The following HASPIN variants were observed in gnomAD, a reference collection of about 807,000 sequenced individuals.
The protein encoded by HASPIN is serine/threonine-protein kinase haspin.
HASPIN carries 24 observed loss-of-function variants against 28.8 expected under a neutral mutation model. The ratio of observed to expected loss-of-function variants is 0.83; its 90% CI spans 0.60 to 1.17. HASPIN has a LOEUF of 1.17. Among genes scored for constraint, HASPIN ranks in the 50% most tolerant of loss-of-function variants. The pLI is 0.00. For synonymous variants in HASPIN, 440 were observed against 413.1 expected, an observed-to-expected ratio of 1.07 and a Z score of -0.79; for missense variants, 1,016 against 1,018.5, an observed-to-expected ratio of 1.00 and a Z score of 0.03.
chr17:3,725,062 A>C lies in HASPIN; in HGVS notation c.1127A>C (p.Gln376Pro). Residue 376 changes from glutamine to proline, a missense_variant, in exon 1 of 1, where the codon CAG (glutamine) becomes CCG (proline). By Grantham distance (76) the Gln-to-Pro change is moderately conservative. Transcript: ENST00000325418. ...SFPTQDLTPL[Q>P]NVCFWTKTRA... ...CCCACCCAGGACCTGACTCCTTTAC[A>C]GAATGTCTGCTTTTGGACCAAAACC... is the stretch of plus-strand genomic sequence containing the variant. 6.2e-7 allele frequency: 1 copy of C among 1,614,254 alleles called. No homozygotes were observed. Among genetic ancestry groups the C allele is most frequent in the Non-Finnish European group, 8.5e-7 (1 of 1,180,046 alleles).
In HASPIN at chr17:3,726,529, T is replaced by C; in HGVS notation, c.*197T>C. The C allele has an allele frequency of 3.4e-6, 2 of 580,258 alleles. No homozygotes were observed. The highest frequency in any genetic ancestry group is 6.2e-6 in the Non-Finnish European group (2 of 322,142). The allele number at this position is 580,258 out of a possible 1,614,324, so 35.9% of individuals were successfully genotyped here. On this transcript the variant is annotated 3_prime_UTR_variant, in exon 1 of 1. Transcript: ENST00000325418. ...GTTTAAATTTGCTGATAACAAATGTTCTGAAAGAAGTAAACTAGCCGGGCA... is the reference window on the plus strand; with the variant it reads ...GTTTAAATTTGCTGATAACAAATGTCCTGAAAGAAGTAAACTAGCCGGGCA...
chr17:3,724,265 C>T lies in HASPIN; in HGVS notation c.330C>T (p.Thr110=). ...RWKLRARPSL[T]VTPRRLGLRA... is the part of the protein sequence containing the mutation. ...AGCTGCGAGCTCGCCCAAGCCTAAC[C>T]GTGACCCCAAGACGCCTGGGGCTGC... is the stretch of plus-strand genomic sequence containing the variant. The change falls in exon 1 of 1, where the codon ACC becomes ACT. Residue 110 remains threonine (T), a synonymous_variant. Transcript: ENST00000325418. 2 of 1,591,286 alleles carry T rather than the reference C, an allele frequency of 1.3e-6. No homozygotes were observed. Among genetic ancestry groups the T allele is most frequent in the Non-Finnish European group, 1.7e-6 (2 of 1,176,174 alleles).
chr17:3,726,234 A>G lies in HASPIN; in HGVS notation c.2299A>G (p.Met767Val). ...TFKTKCNTPAMKQIKRKIQEF... is the reference protein window; with the variant it reads ...TFKTKCNTPAVKQIKRKIQEF... ...CAAGACTAAATGTAACACTCCTGCC[A>G]TGAAGCAAATTAAGAGAAAAATCCA... The change falls in exon 1 of 1, where the codon ATG (methionine) becomes GTG (valine). Residue 767 changes from methionine to valine, a missense_variant. Physicochemically the swap from Met to Val is conservative, Grantham distance 21. Coordinates refer to ENST00000325418, the MANE Select transcript of HASPIN (RefSeq NM_031965.2). 1.9e-6 allele frequency: 3 copies of G among 1,614,248 alleles called. No individual in the cohort carries two copies. The highest frequency in any genetic ancestry group is 1.3e-5 in the African/African-American group (1 of 75,074).
chr17:3,725,677 A>C lies in HASPIN; in HGVS notation c.1742A>C (p.Asn581Thr), dbSNP rs1313480777. The change falls in exon 1 of 1, where the codon AAT becomes ACT. Residue 581 changes from asparagine (N) to threonine (T), a missense_variant. Coordinates refer to ENST00000325418, the MANE Select transcript of HASPIN (RefSeq NM_031965.2). ...PLLLKAWDHY[N>T]STKGSANDRP... is the part of the protein sequence containing the mutation. ...CTCCTCAAAGCCTGGGATCACTATA[A>C]TTCAACCAAAGGCTCTGCAAATGAC... is the stretch of plus-strand genomic sequence containing the variant. 1 of 1,588,244 alleles carries C rather than the reference A, an allele frequency of 6.3e-7. No homozygotes were observed. The highest frequency in any genetic ancestry group is 1.1e-5 in the South Asian group (1 of 87,308).
Position 3,724,689 on chromosome 17 carries a change from G to C in HASPIN, c.754G>C (p.Gly252Arg). 6.2e-7 allele frequency: 1 copy of C among 1,614,212 alleles called. No homozygotes were observed. The highest frequency in any genetic ancestry group is 8.5e-7 in the Non-Finnish European group (1 of 1,180,042). ...RSVLFGLMNS[G>R]TPEDSEFRAD... ...AGTTCTCTTTGGCCTTATGAACTCA[G>C]GAACCCCTGAGGATTCTGAGTTTCG... Residue 252 changes from glycine (G) to arginine (R), a missense_variant, in exon 1 of 1, where the codon GGA (glycine) becomes CGA (arginine). Coordinates refer to ENST00000325418, the MANE Select transcript of HASPIN (RefSeq NM_031965.2).
At position 3,724,369 on chromosome 17, in the gene HASPIN, G is replaced by A. The variant is rs55991903; in HGVS notation, c.434G>A (p.Arg145His). The part of the protein sequence containing the change: ...LPPFPSRDSG[R>H]LSPDLSVCGQ... ...CCCTTCCCCAGCCGCGACTCCGGCC[G>A]CCTCAGCCCGGACCTCAGCGTGTGC... Residue 145 changes from arginine to histidine, a missense_variant, in exon 1 of 1, where the codon CGC becomes CAC. Coordinates refer to ENST00000325418, the MANE Select transcript of HASPIN (RefSeq NM_031965.2). 22,687 of 1,604,840 alleles carry A rather than the reference G, an allele frequency of 0.014. 190 individuals are homozygous for A. The highest frequency in any genetic ancestry group is 0.017 in the Non-Finnish European group (19,559 of 1,177,652).
rs758636055 is a variant in HASPIN at position 3,725,175 on chromosome 17, G to C, written c.1240G>C (p.Gly414Arg). 8.1e-6 allele frequency: 13 copies of C among 1,614,044 alleles called. No individual in the cohort carries two copies. The highest frequency in any genetic ancestry group is 1.7e-5 in the Admixed American group (1 of 59,998). Residue 414 changes from glycine to arginine, a missense_variant, in exon 1 of 1, where the codon GGA becomes CGA. Physicochemically the swap from Gly to Arg is moderately radical, Grantham distance 125 (BLOSUM62 -2). This residue lies in a region of HASPIN where 881 missense variants were observed against 845.5 expected (regional missense o/e 1.04). Coordinates refer to ENST00000325418, the MANE Select transcript of HASPIN (RefSeq NM_031965.2). ...SIYTTATSLS[G>R]SLLSECSNRP... ...CTATACCACTGCCACTTCTCTCTCTGGATCCCTCCTATCAGAATGTTCAAA... is the reference window on the plus strand; with the variant it reads ...CTATACCACTGCCACTTCTCTCTCTCGATCCCTCCTATCAGAATGTTCAAA...
In HASPIN at chr17:3,724,668, C is replaced by T. The variant is rs756917937; in HGVS notation, c.733C>T (p.Leu245Phe). The T allele has an allele frequency of 1.2e-6, 2 of 1,614,228 alleles. No homozygotes were observed. The highest frequency in any genetic ancestry group is 8.5e-7 in the Non-Finnish European group (1 of 1,180,040). ...HQTRASLRSV[L>F]FGLMNSGTPE... ...AACCCGCGCCAGCCTCAGGTCAGTT[C>T]TCTTTGGCCTTATGAACTCAGGAAC... Residue 245 changes from leucine to phenylalanine, a missense_variant, in exon 1 of 1, where the codon CTC becomes TTC. By Grantham distance (22) the Leu-to-Phe change is conservative. Around this residue, in one of 3 missense-constraint regions of HASPIN, gnomAD observed 881 missense variants for 845.5 expected, o/e 1.04. Coordinates refer to ENST00000325418, the MANE Select transcript of HASPIN (RefSeq NM_031965.2).
rs748021280 is a variant in HASPIN, at chr17:3,723,952, C to T, written c.17C>T (p.Pro6Leu). ...GTGCCGGCCATGGCGGCTTCGCTCC[C>T]GGGACCTGGGAGCCGGCTTTTCCGC... MAASL[P>L]GPGSRLFRTY... is the part of the protein sequence containing the mutation. Residue 6 changes from proline (P) to leucine (L), a missense_variant, in exon 1 of 1, where the codon CCG becomes CTG. Around this residue, in one of 3 missense-constraint regions of HASPIN, gnomAD observed 881 missense variants for 845.5 expected, o/e 1.04. Transcript: ENST00000325418. The T allele has an allele frequency of 5.8e-6, 9 of 1,562,324 alleles. No individual in the cohort carries two copies. The highest frequency in any genetic ancestry group is 1.9e-5 in the Admixed American group (1 of 52,894).
At position 3,724,077 on chromosome 17, in the gene HASPIN, G is replaced by A. The variant is rs1392001296; in HGVS notation, c.142G>A (p.Gly48Ser). The A allele has an allele frequency of 1.9e-6, 3 of 1,596,322 alleles. No homozygotes were observed. The highest frequency in any genetic ancestry group is 2.7e-5 in the African/African-American group (2 of 74,530). ...QDRRRFFNSS[G>S]SSDASIGDPS... is the part of the protein sequence containing the mutation. ...CCGGAGGCGTTTCTTCAACAGCAGC[G>A]GCAGCAGCGACGCCAGCATCGGCGA... The change falls in exon 1 of 1, where the codon GGC becomes AGC. Residue 48 changes from glycine (G) to serine (S), a missense_variant. Around this residue, in one of 3 missense-constraint regions of HASPIN, gnomAD observed 881 missense variants for 845.5 expected, o/e 1.04. Coordinates refer to ENST00000325418, the MANE Select transcript of HASPIN (RefSeq NM_031965.2).
Position 3,724,690 on chromosome 17 carries a change from G to A in HASPIN, c.755G>A (p.Gly252Glu). Residue 252 changes from glycine (G) to glutamate (E), a missense_variant, in exon 1 of 1, where the codon GGA becomes GAA. Physicochemically the swap from Gly to Glu is moderately conservative, Grantham distance 98 (BLOSUM62 -2). Transcript: ENST00000325418. Reference sequence around the variant, plus strand: ...GTTCTCTTTGGCCTTATGAACTCAGGAACCCCTGAGGATTCTGAGTTTCGG... The same window carrying A: ...GTTCTCTTTGGCCTTATGAACTCAGAAACCCCTGAGGATTCTGAGTTTCGG... Reference protein sequence around the residue: ...RSVLFGLMNSGTPEDSEFRAD... With the variant: ...RSVLFGLMNSETPEDSEFRAD... 1 of 1,614,188 alleles carries A rather than the reference G, an allele frequency of 6.2e-7. No individual in the cohort carries two copies. The highest frequency in any genetic ancestry group is 1.1e-5 in the South Asian group (1 of 91,086).
rs139272282 is a variant in HASPIN, at chr17:3,725,233, C to T, written c.1298C>T (p.Pro433Leu). The change falls in exon 1 of 1, where the codon CCG becomes CTG. Residue 433 changes from proline to leucine, a missense_variant. Around this residue, in one of 3 missense-constraint regions of HASPIN, gnomAD observed 881 missense variants for 845.5 expected, o/e 1.04. Transcript: ENST00000325418. Reference protein sequence around the residue: ...RPVMNRTSGAPSSWHSSSMYL... With the variant: ...RPVMNRTSGALSSWHSSSMYL... Reference sequence around the variant, plus strand: ...GTCATGAACAGAACAAGTGGTGCTCCGTCCTCTTGGCACTCCTCCTCTATG... The same window carrying T: ...GTCATGAACAGAACAAGTGGTGCTCTGTCCTCTTGGCACTCCTCCTCTATG... 3.7e-6 allele frequency: 6 copies of T among 1,614,124 alleles called. No homozygotes were observed. The highest frequency in any genetic ancestry group is 4.5e-5 in the East Asian group (2 of 44,890).
Position 3,725,022 on chromosome 17 carries a change from G to C in HASPIN, c.1087G>C (p.Gly363Arg), listed in dbSNP as rs370474111. The C allele has an allele frequency of 3.1e-6, 5 of 1,614,182 alleles. No individual in the cohort carries two copies. The East Asian group carries it at 1.1e-4, about 36-fold the overall frequency. ...CCGCTTTAAAAAGGGCCAAAAGCTG[G>C]GAAAAGATTCGTTCCCCACCCAGGA... is the stretch of plus-strand genomic sequence containing the variant. Reference protein sequence around the residue: ...SHRFKKGQKLGKDSFPTQDLT... With the variant: ...SHRFKKGQKLRKDSFPTQDLT... The change falls in exon 1 of 1, where the codon GGA becomes CGA. Residue 363 changes from glycine (G) to arginine (R), a missense_variant. Gly to Arg is a moderately radical substitution (Grantham distance 125). Coordinates refer to ENST00000325418, the MANE Select transcript of HASPIN (RefSeq NM_031965.2).
Position 3,725,230 on chromosome 17 carries a change from CT to C in HASPIN, c.1296del (p.Pro433ArgfsTer12). ...NRPVMNRTSG[A>X]PSSWHSSSMY... ...CCTGTCATGAACAGAACAAGTGGTG[CT>C]CCGTCCTCTTGGCACTCCTCCTCTA... On this transcript the variant is annotated frameshift_variant, in exon 1 of 1. Transcript: ENST00000325418. LOFTEE classifies it high-confidence loss of function. 1 of 1,614,198 alleles carries C rather than the reference CT, an allele frequency of 6.2e-7. No individual in the cohort carries two copies. Among genetic ancestry groups the C allele is most frequent in the Non-Finnish European group, 8.5e-7 (1 of 1,180,020 alleles).
chr17:3,724,827 G>T lies in HASPIN; in HGVS notation c.892G>T (p.Asp298Tyr). 1 of 1,614,170 alleles carries T rather than the reference G, an allele frequency of 6.2e-7. No individual in the cohort carries two copies. The highest frequency in any genetic ancestry group is 8.5e-7 in the Non-Finnish European group (1 of 1,180,046). The change falls in exon 1 of 1, where the codon GAC (aspartate) becomes TAC (tyrosine). Residue 298 changes from aspartate (D) to tyrosine (Y), a missense_variant. Asp to Tyr is a radical substitution (Grantham distance 160). Transcript: ENST00000325418. The part of the protein sequence containing the change: ...STGKRRATGQ[D>Y]SCQERGLQEA... ...AGGCAAGAGGAGGGCCACAGGCCAG[G>T]ACTCTTGTCAAGAGAGAGGGCTTCA...
rs1218329378 is a variant in HASPIN, at chr17:3,724,287, C to G, written c.352C>G (p.Leu118Val). 1 of 1,587,520 alleles carries G rather than the reference C, an allele frequency of 6.3e-7. No individual in the cohort carries two copies. The highest frequency in any genetic ancestry group is 8.5e-7 in the Non-Finnish European group (1 of 1,174,292). ...AACCGTGACCCCAAGACGCCTGGGG[C>G]TGCGAGCTCGGCCCCCGCAGAAGTG... ...SLTVTPRRLG[L>V]RARPPQKCST... The change falls in exon 1 of 1, where the codon CTG (leucine) becomes GTG (valine). Residue 118 changes from leucine (L) to valine (V), a missense_variant. Physicochemically the swap from Leu to Val is conservative, Grantham distance 32. Transcript: ENST00000325418.
Position 3,724,156 on chromosome 17 carries a change from G to C in HASPIN, c.221G>C (p.Ser74Thr). 1 of 1,594,540 alleles carries C rather than the reference G, an allele frequency of 6.3e-7. No individual in the cohort carries two copies. Among genetic ancestry groups the C allele is most frequent in the Non-Finnish European group, 8.5e-7 (1 of 1,177,008 alleles). The change falls in exon 1 of 1, where the codon AGC becomes ACC. Residue 74 changes from serine (S) to threonine (T), a missense_variant. This residue lies in a region of HASPIN where 881 missense variants were observed against 845.5 expected (regional missense o/e 1.04). Transcript: ENST00000325418. ...DDPDDPDFPGSPVRRRRRRPG... is the reference protein window; with the variant it reads ...DDPDDPDFPGTPVRRRRRRPG... ...CCCGACGACCCCGACTTCCCCGGCAGCCCGGTGAGGCGGCGGCGGAGGCGT... is the reference window on the plus strand; with the variant it reads ...CCCGACGACCCCGACTTCCCCGGCACCCCGGTGAGGCGGCGGCGGAGGCGT...
chr17:3,725,844 G>A lies in HASPIN; in HGVS notation c.1909G>A (p.Ala637Thr), dbSNP rs2051197241. The A allele has an allele frequency of 3.1e-6, 5 of 1,611,498 alleles. No individual in the cohort carries two copies. The highest frequency in any genetic ancestry group is 1.3e-5 in the African/African-American group (1 of 74,826). ...SILHQLTASL[A>T]VAEASLRFEH... ...TCTACACCAGCTCACAGCCTCCCTC[G>A]CAGTGGCAGAGGCATCACTGCGCTT... is the stretch of plus-strand genomic sequence containing the variant. Residue 637 changes from alanine (A) to threonine (T), a missense_variant, in exon 1 of 1, where the codon GCA becomes ACA. Physicochemically the swap from Ala to Thr is moderately conservative, Grantham distance 58 (BLOSUM62 0). Transcript: ENST00000325418.
In HASPIN at chr17:3,725,804, T is replaced by C. The variant is rs1447556935; in HGVS notation, c.1869T>C (p.Ala623=). 3.1e-6 allele frequency: 5 copies of C among 1,610,434 alleles called. No homozygotes were observed. Among genetic ancestry groups the C allele is most frequent in the Non-Finnish European group, 4.2e-6 (5 of 1,177,794 alleles). Residue 623 remains alanine (A), a synonymous_variant, in exon 1 of 1, where the codon GCT becomes GCC. Transcript: ENST00000325418. ...TGCGAACCAAGTTGTCTTCCTTGGC[T>C]ACTGCAAAGAGCATTCTACACCAGC... is the stretch of plus-strand genomic sequence containing the variant. ...EQMRTKLSSL[A]TAKSILHQLT...
Sources: gnomAD v4.1 joint callset for allele counts on GRCh38, gnomAD v4.1.1 for gene constraint, gnomAD v4.1.1 regional missense constraint, MANE v1.5 for transcripts, NCBI Gene and HGNC (gene_info 2026-07-23, HGNC 2026-07-21) for gene names.